CENPI: variants seen among roughly 807,000 people sequenced by gnomAD.
CENPI encodes the protein centromere protein I.
A neutral mutation model predicts 60.4 loss-of-function variants in CENPI; 4 were observed. The observed-to-expected ratio is 0.07, with a 90% confidence interval of 0.03 to 0.15. CENPI has a LOEUF of 0.15. CENPI is among the 10% of genes least tolerant of loss of function. The pLI, the probability that CENPI is intolerant of heterozygous loss-of-function variation, is 1.00. For missense variants in CENPI, 444 were observed against 534.5 expected, an observed-to-expected ratio of 0.83 and a Z score of 1.67; for synonymous variants, 157 against 189.4, an observed-to-expected ratio of 0.83 and a Z score of 1.40.
intron 4 of CENPI, 28 bp downstream of exon 4, chrX:101,102,439 T>C (rs75488341): frequency 6.4e-6 from 7 of 1,088,326 alleles, no homozygotes; most frequent in Non-Finnish European, 8.6e-6. Context: ...TTTTTTTTTC[T>C]TTTAACTCAC....
At position 101,098,205 on chromosome X, in the gene CENPI, T is replaced by C. The variant is rs1372665541; in HGVS notation, c.-153T>C. The C allele has an allele frequency of 1.8e-5, 2 of 113,728 alleles. No homozygotes were observed. Among genetic ancestry groups the C allele is most frequent in the African/African-American group, 6.4e-5 (2 of 31,292 alleles). The allele number at this position is 113,728 out of a possible 1,213,427, so 9.4% of individuals were successfully genotyped here. ...GCTTCTTTGAATTCCGGAGGCGGCA[T>C]TCGGTGGTCAGAGGCCTGTGCGGCT... On this transcript the variant is annotated 5_prime_UTR_variant, in exon 1 of 22. Transcript: ENST00000682095.
chrX:101,166,996 G>T (rs1056899206), downstream of CENPI, among the ~76,000 whole-genome samples: 1 of 112,442 alleles, frequency 8.9e-6, no homozygotes, highest in African/African-American at 3.2e-5. Flanking sequence ...ATGACCTTGT[G>T]ATCTGCCTTG....
intron 17 of CENPI, among the ~76,000 whole-genome samples, chrX:101,145,936 T>G (rs762739628): frequency 9.1e-6 from 1 of 109,961 alleles, no homozygotes; most frequent in African/African-American, 3.3e-5. Flanking sequence ...AAATGAAAGA[T>G]TTGAGTAATG....
chrX:101,144,630 A>G (rs968998176), intron 16 of CENPI, among the ~76,000 whole-genome samples: 4 of 104,768 alleles, frequency 3.8e-5, no homozygotes, highest in Non-Finnish European at 7.8e-5. Flanking sequence ...AGAGCCCCCG[A>G]CCTTCGCCTC....
At chrX:101,129,532 ATTCTTC>A (rs60979111) in intron 12 of CENPI, among the ~76,000 whole-genome samples, 1 of 109,664 alleles carries the variant, frequency 9.1e-6, no homozygotes, top group African/African-American at 3.3e-5. Context: ...TTCCAGGCCA[ATTCTTC>A]TTCTTCTTCT....
the CENPI span, among the ~76,000 whole-genome samples, chrX:101,175,126 C>A: frequency 2.7e-5 from 3 of 112,066 alleles, no homozygotes; most frequent in Admixed American, 1.9e-4. Flanking sequence ...ACAAAAAAAA[C>A]CAAGTCGAAA....
chrX:101,151,657 G>A (rs1355763602), intron 20 of CENPI, among the ~76,000 whole-genome samples: 2 of 109,212 alleles, frequency 1.8e-5, no homozygotes, highest in Admixed American at 2.0e-4. Flanking sequence ...CATGGGGAAA[G>A]CCCGTCTCTA....
intron 15 of CENPI, among the ~76,000 whole-genome samples, chrX:101,139,088 C>CTTTT (rs1281553958): frequency 8.7e-4 from 58 of 66,915 alleles, no homozygotes; most frequent in African/African-American, 1.3e-3. Context: ...CGCGCCCGAC[C>CTTTT]TTTTTTTTTT....
chrX:101,170,432 T>C (rs867443431), downstream of CENPI, among the ~76,000 whole-genome samples: 1 of 111,653 alleles, frequency 9.0e-6, no homozygotes, highest in Non-Finnish European at 1.9e-5. Flanking sequence ...AGAATTATAC[T>C]TCATGACAAA....
At chrX:101,130,113 T>C in intron 13 of CENPI, 40 bp downstream of exon 13, 1 of 957,244 alleles carries the variant, frequency 1.0e-6, no homozygotes. Context: ...CACCACTCTT[T>C]ACTAAAATTT....
intron 6 of CENPI, among the ~76,000 whole-genome samples, chrX:101,115,207 G>A (rs113333110): frequency 0.016 from 1,765 of 109,625 alleles, 47 homozygotes; most frequent in African/African-American, 0.055. Flanking sequence ...CAGGTAATCC[G>A]CCCTCCTTGG....
intron 5 of CENPI, 148 bp from the exon 6 acceptor site, chrX:101,109,743 G>T (rs1482454728): frequency 5.2e-6 from 3 of 580,610 alleles, no homozygotes; most frequent in Admixed American, 6.2e-5. Context: ...TGTTCAAACA[G>T]AAATTTTTAC....
chrX:101,164,036 AAT>A lies in CENPI; in HGVS notation c.*1070_*1071del, dbSNP rs2090132467. ...ACTCTGTCTCAAAAAAAAAAAAAAA[AAT>A]TACCTCAATGCTATTGAATAATTCT... On this transcript the variant is annotated 3_prime_UTR_variant, in exon 22 of 22. Coordinates refer to ENST00000682095, the MANE Select transcript of CENPI (RefSeq NM_001386188.2). 9.4e-6 allele frequency among the ~76,000 whole-genome samples: 1 copy of A among 106,059 alleles called. No individual in the cohort carries two copies. The highest frequency in any genetic ancestry group is 3.4e-5 in the African/African-American group (1 of 29,218). 92.1% of individuals were successfully genotyped at this position (106,059 alleles called of 115,157 possible).
intron 20 of CENPI, among the ~76,000 whole-genome samples, chrX:101,151,159 G>A (rs2090003252): frequency 8.9e-6 from 1 of 111,875 alleles, no homozygotes; most frequent in Non-Finnish European, 1.9e-5. Context: ...TGAACTATAG[G>A]AGGTTAGACT....
Position 101,127,587 on chromosome X carries a change from T to C in CENPI, c.996T>C (p.Cys332=). The stretch of plus-strand genomic sequence containing the variant: ...AAAAAGAGATGAGTCTTTCTGATTG[T>C]CTGAATAGAAGTGGATCATTTCCAC... ...CGKKEMSLSD[C]LNRSGSFPLE... Residue 332 remains cysteine (C), a synonymous_variant, in exon 11 of 22, where the codon TGT becomes TGC. Transcript: ENST00000682095. 8.3e-7 allele frequency: 1 copy of C among 1,199,584 alleles called. No homozygotes were observed. The highest frequency in any genetic ancestry group is 1.1e-6 in the Non-Finnish European group (1 of 886,799).
intron 4 of CENPI, among the ~76,000 whole-genome samples, chrX:101,105,262 C>A (rs990580320): frequency 6.3e-5 from 7 of 111,908 alleles, no homozygotes; most frequent in Non-Finnish European, 1.3e-4. Context: ...CAGTGGCTCA[C>A]GCCTGTAACC....
intron 4 of CENPI, 150 bp downstream of exon 4, chrX:101,102,561 A>G (rs1381532865): frequency 4.0e-6 from 1 of 250,399 alleles, no homozygotes; most frequent in Non-Finnish European, 6.8e-6. Context: ...GCATCTCACT[A>G]TATTGCCCAG....
At chrX:101,152,327 T>G (rs1473942922) in intron 20 of CENPI, among the ~76,000 whole-genome samples, 1 of 110,816 alleles carries the variant, frequency 9.0e-6, no homozygotes, top group Non-Finnish European at 1.9e-5. Flanking sequence ...CCTCCCAAAG[T>G]GCTGGGATTA....
At chrX:101,144,464 A>G (rs2089946044) in intron 16 of CENPI, among the ~76,000 whole-genome samples, 1 of 106,444 alleles carries the variant, frequency 9.4e-6, no homozygotes, top group South Asian at 4.2e-4. Flanking sequence ...GCTCACTGCA[A>G]CCTTTGCCTC....
Sources: allele counts gnomAD v4.1 joint callset (sites outside exome capture counted in the v4.1 genomes callset), GRCh38; gene constraint gnomAD v4.1.1; transcripts MANE v1.5; gene names NCBI Gene and HGNC (gene_info 2026-07-23, HGNC 2026-07-21).